Variants in ALK observed in about 807,000 individuals in gnomAD.
ALK encodes the protein ALK tyrosine kinase receptor.
A neutral mutation model predicts 163.1 loss-of-function variants in ALK; 74 were observed. The ratio of observed to expected loss-of-function variants is 0.45; its 90% CI spans 0.38 to 0.55. ALK has a LOEUF of 0.55. ALK is among the 20% of genes least tolerant of loss of function. The pLI is 0.00. For missense variants in ALK, 2,063 were observed against 2,105.3 expected (o/e 0.98, Z 0.39); for synonymous variants, 960 against 843.2 (o/e 1.14, Z -2.40).
intron 3 of ALK, among the ~76,000 whole-genome samples, chr2:29,682,338 A>C (rs1678095529): frequency 6.6e-6 from 1 of 152,208 alleles, no homozygotes; most frequent in African/African-American, 2.4e-5. Context: ...TCTTCTCTCA[A>C]ATCCTCATTT....
At chr2:29,764,652 G>A (rs751028839) in intron 1 of ALK, among the ~76,000 whole-genome samples, 59 of 152,180 alleles carry the variant, frequency 3.9e-4, no homozygotes, top group Non-Finnish European at 4.1e-4. Flanking sequence ...AGGGTGGGCA[G>A]GGACTCCCAA....
At chr2:29,601,563 G>A (rs1350785394) in intron 3 of ALK, among the ~76,000 whole-genome samples, 1 of 152,086 alleles carries the variant, frequency 6.6e-6, no homozygotes, top group Non-Finnish European at 1.5e-5. Context: ...AGTACCAGTG[G>A]ATTTTTTCTT....
At position 29,213,950 on chromosome 2, in the gene ALK, G is replaced by C. The variant is rs1459229294; in HGVS notation, c.3743+34C>G. On this transcript the variant is annotated intron_variant, in intron 24 of 28. Coordinates refer to ENST00000389048, the MANE Select transcript of ALK (RefSeq NM_004304.5). ...CGGGGAAGCACACAGATCAGCGACAGGATGACAGGAAGAGCACAGTCACTT... is the reference window on the plus strand; with the variant it reads ...CGGGGAAGCACACAGATCAGCGACACGATGACAGGAAGAGCACAGTCACTT... The C allele has an allele frequency of 7.7e-6, 12 of 1,565,478 alleles. No individual in the cohort carries two copies. The African/African-American group carries it at 9.5e-5, about 12-fold the overall frequency.
chr2:29,480,245 A>C (rs1446943121), intron 4 of ALK, among the ~76,000 whole-genome samples: 1 of 152,172 alleles, frequency 6.6e-6, no homozygotes, highest in Non-Finnish European at 1.5e-5. Context: ...CGTGAGGCTG[A>C]AGGAGGATGA....
chr2:29,792,764 T>G (rs1396666338), intron 1 of ALK, among the ~76,000 whole-genome samples: 1 of 151,352 alleles, frequency 6.6e-6, no homozygotes, highest in Non-Finnish European at 1.5e-5. Flanking sequence ...ACACTACACT[T>G]AGACTATTAA....
chr2:29,619,051 G>A (rs1366779817), intron 3 of ALK, among the ~76,000 whole-genome samples: 1 of 151,580 alleles, frequency 6.6e-6, no homozygotes, highest in Admixed American at 6.6e-5. Flanking sequence ...AATTAAATAA[G>A]TATTAAGAAA....
chr2:29,889,467 C>T (rs1667077588), intron 1 of ALK, among the ~76,000 whole-genome samples: 3 of 151,840 alleles, frequency 2.0e-5, no homozygotes, highest in Admixed American at 2.0e-4. Context: ...CCCACAGGAT[C>T]TATTTTCTTT....
At chr2:29,761,306 G>A (rs1217676224) in intron 1 of ALK, among the ~76,000 whole-genome samples, 2 of 152,200 alleles carry the variant, frequency 1.3e-5, no homozygotes, top group Non-Finnish European at 2.9e-5. Context: ...TGTGGGCCCA[G>A]TTGCCAGTTT....
At chr2:29,454,471 T>C (rs1670899862) in intron 4 of ALK, among the ~76,000 whole-genome samples, 1 of 152,164 alleles carries the variant, frequency 6.6e-6, no homozygotes, top group South Asian at 2.1e-4. Flanking sequence ...ATTTTTTTCC[T>C]AGTAGTTTTG....
chr2:29,268,676 T>C lies in ALK; in HGVS notation c.2041+6423A>G, dbSNP rs550592527. The stretch of plus-strand genomic sequence containing the variant: ...CCCGAGTGGAAAGAAAACAGCTGAT[T>C]TGGATGCAGCAAGAGCTTCTCCCTT... On this transcript the variant is annotated intron_variant, in intron 11 of 28. Coordinates refer to ENST00000389048, the MANE Select transcript of ALK (RefSeq NM_004304.5). Among the ~76,000 whole-genome samples the C allele has an allele frequency of 2.6e-5, 4 of 152,308 alleles. No individual in the cohort carries two copies. The South Asian group carries it at 6.2e-4, about 24-fold the overall frequency.
At chr2:29,447,364 G>A (rs542520986) in intron 4 of ALK, among the ~76,000 whole-genome samples, 7 of 152,278 alleles carry the variant, frequency 4.6e-5, no homozygotes, top group Non-Finnish European at 5.9e-5. Flanking sequence ...GGTAAGACGC[G>A]GACAGAGAGT....
At chr2:29,762,317 C>T (rs1488561003) in intron 1 of ALK, among the ~76,000 whole-genome samples, 1 of 152,180 alleles carries the variant, frequency 6.6e-6, no homozygotes, top group Non-Finnish European at 1.5e-5. Context: ...AATTGACCTC[C>T]ACTACAATTG....
intron 5 of ALK, among the ~76,000 whole-genome samples, chr2:29,361,117 G>A (rs976373284): frequency 6.6e-6 from 1 of 152,230 alleles, no homozygotes; most frequent in Admixed American, 6.5e-5. Flanking sequence ...GAATCCACGA[G>A]CAGATCGCCG....
intron 1 of ALK, among the ~76,000 whole-genome samples, chr2:29,730,724 T>C (rs907991382): frequency 4.6e-5 from 7 of 152,060 alleles, no homozygotes; most frequent in Non-Finnish European, 1.0e-4. Context: ...AGAGTTAAGG[T>C]TGCTTGCAGT....
At chr2:29,703,106 G>A (rs1054312660) in intron 2 of ALK, among the ~76,000 whole-genome samples, 4 of 152,196 alleles carry the variant, frequency 2.6e-5, no homozygotes, top group African/African-American at 4.8e-5. Context: ...TGGTCAATGG[G>A]ATCTGCATCT....
intron 1 of ALK, among the ~76,000 whole-genome samples, chr2:29,818,800 C>A (rs4605324): frequency 0.73 from 111,004 of 152,174 alleles, 40,971 homozygotes; most frequent in Non-Finnish European, 0.77. Flanking sequence ...TAATATGCAG[C>A]TTGACACCTA....
intron 1 of ALK, among the ~76,000 whole-genome samples, chr2:29,875,284 A>G (rs930797001): frequency 6.6e-6 from 1 of 152,230 alleles, no homozygotes; most frequent in Non-Finnish European, 1.5e-5. Context: ...CTTAATGAGT[A>G]CAGAGTTTCT....
At chr2:29,393,666 A>G (rs373202410) in intron 4 of ALK, among the ~76,000 whole-genome samples, 2 of 152,148 alleles carry the variant, frequency 1.3e-5, no homozygotes. Flanking sequence ...TAATTAAACA[A>G]ATTTGTTTTG....
chr2:29,298,478 T>C (rs1666267741), intron 8 of ALK, among the ~76,000 whole-genome samples: 1 of 152,210 alleles, frequency 6.6e-6, no homozygotes, highest in South Asian at 2.1e-4. Context: ...TTTTGCTCCT[T>C]GGCTGAAGAA....
Sources: gnomAD v4.1 joint callset for allele counts (sites outside exome capture counted in the v4.1 genomes callset) on GRCh38, gnomAD v4.1.1 for gene constraint, MANE v1.5 for transcripts, NCBI Gene and HGNC (gene_info 2026-07-23, HGNC 2026-07-21) for gene names.